Variants in PLEKHN1 observed in about 807,000 individuals in gnomAD.
PLEKHN1 encodes the protein pleckstrin homology domain containing N1.
PLEKHN1 carries 68 observed loss-of-function variants against 72.8 expected under a neutral mutation model. The ratio of observed to expected loss-of-function variants is 0.93; its 90% CI spans 0.77 to 1.14. PLEKHN1 has a LOEUF of 1.14. PLEKHN1 is among the 50% of genes most tolerant of loss of function. The pLI is 0.00. For synonymous variants in PLEKHN1, 454 were observed against 371.6 expected (o/e 1.22, Z -2.55); for missense variants, 1,015 against 840.5 (o/e 1.21, Z -2.57).
At chr1:969,075 C>T (rs1432218990) in intron 2 of PLEKHN1, among the ~76,000 whole-genome samples, 2 of 152,224 alleles carry the variant, frequency 1.3e-5, no homozygotes, top group African/African-American at 2.4e-5. Flanking sequence ...ATCAGGGCAT[C>T]GGTGTGTTTC....
rs930988231 is a variant in PLEKHN1, at chr1:967,240, G to C, written c.183+437G>C. Among the ~76,000 whole-genome samples, 3 of 152,260 alleles carry C rather than the reference G, an allele frequency of 2.0e-5. No individual in the cohort carries two copies. The South Asian group carries it at 6.2e-4, about 32-fold the overall frequency. ...CAGGAAGTTGCCGCTGGGTATGGCC[G>C]CCTGGTCCACAGCAATCCCTCTGTG... On this transcript the variant is annotated intron_variant, in intron 2 of 15. Coordinates refer to ENST00000379410, the MANE Select transcript of PLEKHN1 (RefSeq NM_032129.3).
In PLEKHN1 at chr1:970,346, C is replaced by A. The variant is rs751084833; in HGVS notation, c.253C>A (p.Arg85=). Residue 85 remains arginine, a synonymous_variant, in exon 3 of 16, where the codon CGG becomes AGG. Coordinates refer to ENST00000379410, the MANE Select transcript of PLEKHN1 (RefSeq NM_032129.3). The surrounding 1 kb of genome is among the most constrained non-coding windows in gnomAD (Gnocchi z 4.2). ...ATTCCTGAGTGTGTTCAAGAAGGGG[C>A]GGCGGAGGGTGCCTGTGAGGAACCT... ...QPFLSVFKKG[R]RRVPVRNLGK... is the part of the protein sequence containing the mutation. The A allele has an allele frequency of 6.2e-7, 1 of 1,613,506 alleles. No homozygotes were observed. Among genetic ancestry groups the A allele is most frequent in the African/African-American group, 1.3e-5 (1 of 74,976 alleles).
intron 8 of PLEKHN1, 92 bp from the exon 9 acceptor site, chr1:971,983 C>G: frequency 7.8e-7 from 1 of 1,278,600 alleles, no homozygotes; most frequent in Non-Finnish European, 1.1e-6. Context: ...AAGTACCCAG[C>G]CAAGCTCTGG....
intron 2 of PLEKHN1, 22 bp downstream of exon 2, chr1:966,825 G>A (rs2100443870): frequency 6.5e-7 from 1 of 1,541,798 alleles, no homozygotes; most frequent in Non-Finnish European, 8.7e-7. Context: ...GTGCACGGTG[G>A]CTGTGGTCTG....
In PLEKHN1 at chr1:970,953, A is replaced by G. The variant is rs1285488080; in HGVS notation, c.559A>G (p.Lys187Glu). Residue 187 changes from lysine to glutamate, a missense_variant, in exon 6 of 16, where the codon AAG becomes GAG. Physicochemically the swap from Lys to Glu is moderately conservative, Grantham distance 56 (BLOSUM62 1). Transcript: ENST00000379410. The surrounding 1 kb of genome is among the most constrained non-coding windows in gnomAD (Gnocchi z 4.2). ...GGACCGCTGGCTTTACCACCTGGAG[A>G]AGCAGACGGCCCTCCTCGGGGGGCC... Reference protein sequence around the residue: ...ELDRWLYHLEKQTALLGGPRR... With the variant: ...ELDRWLYHLEEQTALLGGPRR... 3 of 1,608,740 alleles carry G rather than the reference A, an allele frequency of 1.9e-6. No homozygotes were observed. In the African/African-American group the frequency reaches 4.0e-5, roughly 22 times the overall value.
rs758035138 is a variant in PLEKHN1 at position 970,834 on chromosome 1, G to A, written c.485-45G>A. The A allele has an allele frequency of 6.8e-6, 11 of 1,612,422 alleles. No individual in the cohort carries two copies. Among genetic ancestry groups the A allele is most frequent in the East Asian group, 4.5e-5 (2 of 44,892 alleles). On this transcript the variant is annotated intron_variant, in intron 5 of 15. Transcript: ENST00000379410. The surrounding 1 kb of genome is among the most constrained non-coding windows in gnomAD (Gnocchi z 4.2). ...GGAGAGGGGCCTGCCCTGTGGCTGCGGAGCACGTGTGTGTATGTGTGTGCC... is the reference window on the plus strand; with the variant it reads ...GGAGAGGGGCCTGCCCTGTGGCTGCAGAGCACGTGTGTGTATGTGTGTGCC...
Position 966,805 on chromosome 1 carries a change from T to A in PLEKHN1, c.183+2T>A. The A allele has an allele frequency of 6.4e-7, 1 of 1,556,186 alleles. No homozygotes were observed. Among genetic ancestry groups the A allele is most frequent in the East Asian group, 2.4e-5 (1 of 41,418 alleles). On this transcript the variant is annotated splice_donor_variant, in intron 2 of 15. Transcript: ENST00000379410. LOFTEE classifies it high-confidence loss of function. Reference sequence around the variant, plus strand: ...CTCTTCCACTACATCCCGGGCACGGTGAGCGCGGCGTGCACGGTGGCTGTG... The same window carrying A: ...CTCTTCCACTACATCCCGGGCACGGAGAGCGCGGCGTGCACGGTGGCTGTG...
At position 971,319 on chromosome 1, in the gene PLEKHN1, C is replaced by T; in HGVS notation, c.709-5C>T. The T allele has an allele frequency of 6.4e-7, 1 of 1,569,828 alleles. No individual in the cohort carries two copies. Among genetic ancestry groups the T allele is most frequent in the South Asian group, 1.2e-5 (1 of 85,606 alleles). On this transcript the variant is annotated splice_region_variant and splice_polypyrimidine_tract_variant and intron_variant, in intron 7 of 15. Coordinates refer to ENST00000379410, the MANE Select transcript of PLEKHN1 (RefSeq NM_032129.3). ...CATCGCCTGACCCCACCCCCACCCACCCAGGAGCAGTGGGACCGGCTCTTG... is the reference window on the plus strand; with the variant it reads ...CATCGCCTGACCCCACCCCCACCCATCCAGGAGCAGTGGGACCGGCTCTTG...
intron 10 of PLEKHN1, 130 bp from the exon 11 acceptor site, chr1:972,731 A>T: frequency 8.2e-7 from 1 of 1,212,456 alleles, no homozygotes; most frequent in Non-Finnish European, 1.1e-6. Flanking sequence ...GTGCCACTGT[A>T]CTGCAGCCTG....
Position 975,072 on chromosome 1 carries a change from C to T in PLEKHN1, c.*497C>T, listed in dbSNP as rs1238283536. ...GCCTGGCGCGCACCACAGGGCAGCA[C>T]GGGAGACGTTGACACCACCGGACGA... On this transcript the variant is annotated 3_prime_UTR_variant, in exon 16 of 16. Coordinates refer to ENST00000379410, the MANE Select transcript of PLEKHN1 (RefSeq NM_032129.3). 6 of 151,842 alleles carry T rather than the reference C, an allele frequency of 4.0e-5. No homozygotes were observed. The highest frequency in any genetic ancestry group is 2.0e-4 in the South Asian group (1 of 4,880). 9.4% of individuals were successfully genotyped at this position (151,842 alleles called of 1,614,324 possible).
chr1:971,114 G>A lies in PLEKHN1; in HGVS notation c.614G>A (p.Arg205His), dbSNP rs200703251. The A allele has an allele frequency of 5.7e-5, 91 of 1,595,356 alleles. No homozygotes were observed. Among genetic ancestry groups the A allele is most frequent in the Admixed American group, 6.9e-5 (4 of 57,700 alleles). Reference sequence around the variant, plus strand: ...GACGAACTCCCCTGGACTTTGCAGCGCCGTCTAACCCGGCTGCGGACGGCG... The same window carrying A: ...GACGAACTCCCCTGGACTTTGCAGCACCGTCTAACCCGGCTGCGGACGGCG... ...PRRCHSAPPQRRLTRLRTASG... is the reference protein window; with the variant it reads ...PRRCHSAPPQHRLTRLRTASG... Residue 205 changes from arginine (R) to histidine (H), a missense_variant and splice_region_variant, in exon 7 of 16, where the codon CGC (arginine) becomes CAC (histidine). Transcript: ENST00000379410.
Position 966,508 on chromosome 1 carries a change from T to A in PLEKHN1, c.-24T>A. The A allele has an allele frequency of 6.3e-7, 1 of 1,582,580 alleles. No homozygotes were observed. Among genetic ancestry groups the A allele is most frequent in the Non-Finnish European group, 8.6e-7 (1 of 1,157,476 alleles). Reference sequence around the variant, plus strand: ...GGAGGCTGTGGACAGGGACCCAGACTTGCCGACCTGTACGACTCTGGCCAT... The same window carrying A: ...GGAGGCTGTGGACAGGGACCCAGACATGCCGACCTGTACGACTCTGGCCAT... On this transcript the variant is annotated 5_prime_UTR_variant, in exon 1 of 16. In the 5' UTR this introduces an upstream ATG that the reference lacks. Transcript: ENST00000379410.
chr1:967,456 T>C (rs1643069911), intron 2 of PLEKHN1, among the ~76,000 whole-genome samples: 2 of 148,924 alleles, frequency 1.3e-5, no homozygotes, highest in South Asian at 4.3e-4. Flanking sequence ...GGTGCTGGGA[T>C]GAGGGAACAG....
rs1363989388 is a variant in PLEKHN1, at chr1:971,014, C to T, written c.612+8C>T. 3.1e-6 allele frequency: 5 copies of T among 1,596,110 alleles called. 1 individual carries two copies. Among genetic ancestry groups the T allele is most frequent in the East Asian group, 2.3e-5 (1 of 44,048 alleles). ...CACTCGGCACCCCCACAGGTCAGTG[C>T]CGGGGACCCCACCCCCCTCCCCACC... On this transcript the variant is annotated splice_region_variant and intron_variant, in intron 6 of 15. Transcript: ENST00000379410.
Position 970,949 on chromosome 1 carries a change from G to A in PLEKHN1, c.555G>A (p.Leu185=). Residue 185 remains leucine (L), a synonymous_variant, in exon 6 of 16, where the codon CTG becomes CTA. Coordinates refer to ENST00000379410, the MANE Select transcript of PLEKHN1 (RefSeq NM_032129.3). This position sits in a 1 kb window ranked among gnomAD's most constrained non-coding sequence, Gnocchi z 4.2. ...AGCTGGACCGCTGGCTTTACCACCTGGAGAAGCAGACGGCCCTCCTCGGGG... is the reference window on the plus strand; with the variant it reads ...AGCTGGACCGCTGGCTTTACCACCTAGAGAAGCAGACGGCCCTCCTCGGGG... The part of the protein sequence containing the change: ...RAELDRWLYH[L]EKQTALLGGP... 6.2e-7 allele frequency: 1 copy of A among 1,609,630 alleles called. No homozygotes were observed. The highest frequency in any genetic ancestry group is 1.3e-5 in the African/African-American group (1 of 75,000).
rs530698349 is a variant in PLEKHN1, at chr1:966,803, G to A, written c.183G>A (p.Thr61=). 7.1e-6 allele frequency: 11 copies of A among 1,557,014 alleles called. No individual in the cohort carries two copies. Among genetic ancestry groups the A allele is most frequent in the Middle Eastern group, 1.7e-4 (1 of 5,836 alleles). Residue 61 remains threonine, a splice_region_variant and synonymous_variant, in exon 2 of 16, where the codon ACG becomes ACA. Transcript: ENST00000379410. ...ANKLFHYIPG[T]DILDLENQRE... is the part of the protein sequence containing the mutation. Reference sequence around the variant, plus strand: ...AGCTCTTCCACTACATCCCGGGCACGGTGAGCGCGGCGTGCACGGTGGCTG... The same window carrying A: ...AGCTCTTCCACTACATCCCGGGCACAGTGAGCGCGGCGTGCACGGTGGCTG...
intron 2 of PLEKHN1, among the ~76,000 whole-genome samples, chr1:967,352 GAGC>G (rs1256792076): frequency 6.8e-6 from 1 of 147,876 alleles, no homozygotes; most frequent in Non-Finnish European, 1.5e-5. Context: ...TCCGTCAAAG[GAGC>G]AGAAGACCAC....
chr1:973,073 G>A, intron 11 of PLEKHN1, 63 bp downstream of exon 11: 1 of 1,541,608 alleles, frequency 6.5e-7, no homozygotes, highest in Non-Finnish European at 8.8e-7. Context: ...GTGTGTGTTG[G>A]GGACCCTGGT....
Position 973,981 on chromosome 1 carries a change from C to A in PLEKHN1, c.1583C>A (p.Ser528Tyr). ...YLLSKKGALQ[S>Y]RAAQRHRGSA... ...CTCTCCAAGAAGGGAGCCCTGCAGT[C>A]CAGAGCCGCTCAGAGACACCGGGGC... Residue 528 changes from serine to tyrosine, a missense_variant, in exon 14 of 16, where the codon TCC (serine) becomes TAC (tyrosine). Transcript: ENST00000379410. 1 of 1,608,506 alleles carries A rather than the reference C, an allele frequency of 6.2e-7. No homozygotes were observed.
Sources: gnomAD v4.1 joint callset for allele counts (sites outside exome capture counted in the v4.1 genomes callset) on GRCh38, gnomAD v4.1.1 for gene constraint, Gnocchi (gnomAD v3.1) non-coding constraint, MANE v1.5 for transcripts, NCBI Gene and HGNC (gene_info 2026-07-23, HGNC 2026-07-21) for gene names.